Variants in LRRC49 observed in about 807,000 individuals in gnomAD.
The protein encoded by LRRC49 is leucine-rich repeat-containing protein 49.
In LRRC49, 50 loss-of-function variants were observed where a neutral mutation model predicts 83.3. The observed-to-expected ratio is 0.60, with a 90% CI of 0.48 to 0.76. LRRC49 has a LOEUF of 0.76. Among genes scored for constraint, LRRC49 ranks in the 30% least tolerant of loss-of-function variants. The probability of loss-of-function intolerance (pLI) is 0.00; values close to 1 mark genes in which losing one functional copy is unlikely to be tolerated. For missense variants in LRRC49, 704 were observed against 809.1 expected, an observed-to-expected ratio of 0.87 and a Z score of 1.58; for synonymous variants, 286 against 283.3, an observed-to-expected ratio of 1.01 and a Z score of -0.10.
At chr15:70,858,780 G>A in intron 1 of LRRC49, 2 of 1,044,768 alleles carry the variant, frequency 1.9e-6, no homozygotes, top group South Asian at 1.4e-5. Context: ...TTCAGCAGCT[G>A]CTCCTACACA....
At chr15:70,978,221 A>G (rs2037276532) in intron 9 of LRRC49, among the ~76,000 whole-genome samples, 1 of 152,006 alleles carries the variant, frequency 6.6e-6, no homozygotes, top group Admixed American at 6.6e-5. Context: ...TTAAAACAAC[A>G]AAGTTTATTT....
intron 2 of LRRC49, among the ~76,000 whole-genome samples, chr15:70,883,261 G>T (rs987915832): frequency 6.6e-6 from 1 of 150,890 alleles, no homozygotes; most frequent in Non-Finnish European, 1.5e-5. Flanking sequence ...GTGCCATCTC[G>T]GCTCACTGCA....
intron 1 of LRRC49, among the ~76,000 whole-genome samples, chr15:70,856,958 A>T (rs1378650057): frequency 6.6e-6 from 1 of 152,130 alleles, no homozygotes; most frequent in Non-Finnish European, 1.5e-5. Context: ...GGCCAGTCCC[A>T]CCCAGGCCTG....
intron 1 of LRRC49, chr15:70,853,933 G>C: frequency 2.8e-6 from 4 of 1,420,278 alleles, no homozygotes; most frequent in Non-Finnish European, 3.7e-6. Flanking sequence ...TGCCCCAGCC[G>C]GGGCTGAGGT....
At chr15:70,854,205 G>A (rs2032585836) in intron 1 of LRRC49, 1 of 709,772 alleles carries the variant, frequency 1.4e-6, no homozygotes, top group South Asian at 6.5e-5. Context: ...GCTCGGCCCA[G>A]GGGAGGGACA....
chr15:70,907,783 A>C, intron 5 of LRRC49: 1 of 359,350 alleles, frequency 2.8e-6, no homozygotes, highest in Non-Finnish European at 5.5e-6. Flanking sequence ...GGTGAGCCTC[A>C]TCTTTTTCTA....
chr15:70,944,466 G>A (rs565706011), intron 8 of LRRC49, among the ~76,000 whole-genome samples: 46 of 152,050 alleles, frequency 3.0e-4, no homozygotes, highest in Admixed American at 1.4e-3. Flanking sequence ...GTGCACTGGC[G>A]CGATCTCCGT....
chr15:70,884,350 T>C (rs1053766927), intron 2 of LRRC49, among the ~76,000 whole-genome samples: 3 of 152,000 alleles, frequency 2.0e-5, no homozygotes, highest in Admixed American at 2.0e-4. Flanking sequence ...CTAGCCAACA[T>C]CGTGAAACCC....
rs1338597784 is a variant in LRRC49 at position 71,052,709 on chromosome 15, T to C, written c.*3097T>C. On this transcript the variant is annotated 3_prime_UTR_variant, in exon 16 of 16. Transcript: ENST00000260382. ...TAATCTCCTAACACTGCGATATATATATGATAGCAATCCCATTTGAACACT... is the reference window on the plus strand; with the variant it reads ...TAATCTCCTAACACTGCGATATATACATGATAGCAATCCCATTTGAACACT... The C allele has an allele frequency of 6.6e-6, 1 of 152,134 alleles. No homozygotes were observed. Among genetic ancestry groups the C allele is most frequent in the Non-Finnish European group, 1.5e-5 (1 of 68,032 alleles). The allele number at this position is 152,134 out of a possible 1,614,324, so 9.4% of individuals were successfully genotyped here.
chr15:70,853,630 A>T (rs995530583), intron 1 of LRRC49: 2 of 301,576 alleles, frequency 6.6e-6, no homozygotes, highest in African/African-American at 4.4e-5. Context: ...ATCCCTGAAC[A>T]TCCCCACGTC....
intron 14 of LRRC49, among the ~76,000 whole-genome samples, chr15:71,036,568 C>T (rs528250570): frequency 6.6e-6 from 1 of 152,254 alleles, no homozygotes; most frequent in East Asian, 1.9e-4. Flanking sequence ...TGGCTGATGG[C>T]TCTGTAAGTG....
At chr15:70,999,272 C>G (rs993838117) in intron 11 of LRRC49, among the ~76,000 whole-genome samples, 2 of 152,238 alleles carry the variant, frequency 1.3e-5, no homozygotes, top group African/African-American at 4.8e-5. Context: ...ATTTATGTGA[C>G]AACTCTGGAG....
At chr15:70,993,744 A>T (rs1005777381) in intron 11 of LRRC49, among the ~76,000 whole-genome samples, 1 of 152,178 alleles carries the variant, frequency 6.6e-6, no homozygotes, top group African/African-American at 2.4e-5. Context: ...TTTCTTTTTT[A>T]AAAATTATTT....
At chr15:70,993,082 G>T (rs2141242476) in intron 11 of LRRC49, among the ~76,000 whole-genome samples, 1 of 152,288 alleles carries the variant, frequency 6.6e-6, no homozygotes, top group South Asian at 2.1e-4. Context: ...CAGCAATGGT[G>T]GGTGCCCCTC....
intron 15 of LRRC49, among the ~76,000 whole-genome samples, chr15:71,046,141 T>C (rs2039849323): frequency 6.6e-6 from 1 of 152,196 alleles, no homozygotes; most frequent in Non-Finnish European, 1.5e-5. Context: ...CTACTGTGAA[T>C]AGTGTAGCAA....
upstream of LRRC49, among the ~76,000 whole-genome samples, chr15:70,889,486 T>C (rs2033497738): frequency 1.3e-5 from 2 of 152,168 alleles, no homozygotes; most frequent in Admixed American, 1.3e-4. Flanking sequence ...TGGTTACACA[T>C]GTTCAGTTTA....
intron 1 of LRRC49, chr15:70,858,668 A>G: frequency 3.5e-6 from 2 of 575,506 alleles, no homozygotes. Flanking sequence ...TCCTTCTGGA[A>G]TCTCCGCCTG....
chr15:70,877,637 TG>T lies in LRRC49; in HGVS notation c.18+4415del, dbSNP rs1179054114. On this transcript the variant is annotated intron_variant, in intron 2 of 16. Coordinates refer to the LRRC49 transcript ENST00000544974. ...TCAGATTTTGGCTCTTATGAGCATTTGTGTAAAAGTCTTTGTGTGGACATGT... is the reference window on the plus strand; with the variant it reads ...TCAGATTTTGGCTCTTATGAGCATTTTGTAAAAGTCTTTGTGTGGACATGT... Among the ~76,000 whole-genome samples, 22 of 152,360 alleles carry T rather than the reference TG, an allele frequency of 1.4e-4. 1 individual carries two copies. The highest frequency in any genetic ancestry group is 5.3e-4 in the African/African-American group (22 of 41,584).
intron 10 of LRRC49, among the ~76,000 whole-genome samples, chr15:70,982,224 G>T (rs1400607015): frequency 6.6e-6 from 1 of 151,944 alleles, no homozygotes; most frequent in Non-Finnish European, 1.5e-5. Flanking sequence ...ATGTCATTCT[G>T]AGTATTTCTT....
Sources: gnomAD v4.1 joint callset for allele counts (sites outside exome capture counted in the v4.1 genomes callset) on GRCh38, gnomAD v4.1.1 for gene constraint, MANE v1.5 for transcripts, NCBI Gene and HGNC (gene_info 2026-07-23, HGNC 2026-07-21) for gene names.